PIGN: variants seen among roughly 807,000 people sequenced by gnomAD.
PIGN encodes GPI ethanolamine phosphate transferase 1.
Under a neutral mutation model 125.4 loss-of-function variants are expected in PIGN, and 117 were observed. The ratio of observed to expected loss-of-function variants is 0.93; its 90% confidence interval spans 0.80 to 1.09. The LOEUF is 1.09. PIGN is among the 50% of genes least tolerant of loss of function. PIGN has a pLI of 0.00. For missense variants in PIGN, 1,075 were observed against 1,094.9 expected (o/e 0.98, Z 0.26); for synonymous variants, 392 against 377.8 (o/e 1.04, Z -0.44).
chr18:62,097,012 A>G (rs1216811183), intron 22 of PIGN, among the ~76,000 whole-genome samples: 1 of 152,010 alleles, frequency 6.6e-6, no homozygotes, highest in African/African-American at 2.4e-5. Context: ...GTGTCTTTAT[A>G]GCAGCATGTT....
intron 30 of PIGN, among the ~76,000 whole-genome samples, chr18:62,066,079 A>G (rs2145563130): frequency 6.6e-6 from 1 of 152,326 alleles, no homozygotes; most frequent in Middle Eastern, 3.4e-3. Context: ...GCTTTCTTTA[A>G]CCATAGCTTT....
intron 30 of PIGN, chr18:62,059,034 A>T (rs2031936118): frequency 1.3e-5 from 2 of 151,984 alleles, no homozygotes; most frequent in Admixed American, 1.3e-4. Context: ...AAAAATAAAA[A>T]TTAAAATAAT....
At chr18:62,165,556 TTC>T (rs1271295308) in intron 1 of PIGN, among the ~76,000 whole-genome samples, 2 of 152,202 alleles carry the variant, frequency 1.3e-5, no homozygotes, top group Non-Finnish European at 2.9e-5. Context: ...ATTGAGCATT[TTC>T]TTTTTGATAC....
At chr18:62,030,258 G>C (rs1311647172) in intron 23 of PIGN, among the ~76,000 whole-genome samples, 1 of 152,224 alleles carries the variant, frequency 6.6e-6, no homozygotes, top group Non-Finnish European at 1.5e-5. Flanking sequence ...GAGGCCTGTG[G>C]TGGTATGTCT....
At chr18:62,100,272 T>C (rs1378931713) in intron 22 of PIGN, among the ~76,000 whole-genome samples, 1 of 152,124 alleles carries the variant, frequency 6.6e-6, no homozygotes, top group African/African-American at 2.4e-5. Flanking sequence ...TGAGATATCA[T>C]CTCACCCCAG....
intron 1 of PIGN, among the ~76,000 whole-genome samples, chr18:62,172,963 T>C (rs895091991): frequency 6.6e-6 from 1 of 152,154 alleles, no homozygotes; most frequent in African/African-American, 2.4e-5. Flanking sequence ...AATGACACCA[T>C]ACGAACACAA....
chr18:62,170,880 A>G (rs189841715), intron 1 of PIGN, among the ~76,000 whole-genome samples: 26 of 152,376 alleles, frequency 1.7e-4, no homozygotes, highest in Non-Finnish European at 2.6e-4. Context: ...TATTGCTGAT[A>G]TGAAGAAAAT....
chr18:62,177,791 G>T (rs2037578009), intron 1 of PIGN, among the ~76,000 whole-genome samples: 1 of 152,064 alleles, frequency 6.6e-6, no homozygotes, highest in Non-Finnish European at 1.5e-5. Context: ...TTATCTTACT[G>T]ATCAGCCAAT....
intron 23 of PIGN, among the ~76,000 whole-genome samples, chr18:62,021,889 G>A (rs2030058483): frequency 6.6e-6 from 1 of 152,208 alleles, no homozygotes; most frequent in Non-Finnish European, 1.5e-5. Flanking sequence ...TCTCTTCCAA[G>A]TTCATTTGAG....
At chr18:62,061,373 C>T (rs2032113600) in intron 30 of PIGN, among the ~76,000 whole-genome samples, 1 of 151,692 alleles carries the variant, frequency 6.6e-6, no homozygotes, top group African/African-American at 2.4e-5. Context: ...TCCCACTCCT[C>T]TCTCAAATTC....
intron 22 of PIGN, among the ~76,000 whole-genome samples, chr18:62,100,019 T>C (rs1023324623): frequency 6.6e-6 from 1 of 151,834 alleles, no homozygotes; most frequent in African/African-American, 2.4e-5. Context: ...ATCAACGGAG[T>C]GAAGAGACAA....
intron 29 of PIGN, among the ~76,000 whole-genome samples, chr18:62,073,135 T>C (rs1317514739): frequency 6.6e-6 from 1 of 151,424 alleles, no homozygotes; most frequent in Admixed American, 6.6e-5. Flanking sequence ...TCACAAGGCA[T>C]AGGCTGTAGT....
intron 24 of PIGN, among the ~76,000 whole-genome samples, chr18:62,089,981 G>A (rs2058366145): frequency 6.6e-6 from 1 of 152,088 alleles, no homozygotes; most frequent in South Asian, 2.1e-4. Context: ...CACAATCTAA[G>A]ATTTGGACTG....
intron 20 of PIGN, among the ~76,000 whole-genome samples, chr18:62,103,173 T>C (rs902575259): frequency 6.6e-6 from 1 of 152,148 alleles, no homozygotes; most frequent in African/African-American, 2.4e-5. Context: ...CTACCTTGCT[T>C]CTATAATTTA....
At chr18:62,161,524 G>A in intron 3 of PIGN, 139 bp from the exon 4 acceptor site, 5 of 519,602 alleles carry the variant, frequency 9.6e-6, no homozygotes, top group Non-Finnish European at 6.8e-6. Context: ...CATTTGTGGT[G>A]GTAACAATAA....
At chr18:62,141,748 G>C (rs2036143782) in intron 11 of PIGN, among the ~76,000 whole-genome samples, 1 of 152,180 alleles carries the variant, frequency 6.6e-6, no homozygotes, top group South Asian at 2.1e-4. Flanking sequence ...AACTCTTCAA[G>C]GATTCTTTGA....
chr18:62,087,053 G>T (rs982247148), intron 25 of PIGN, among the ~76,000 whole-genome samples: 3 of 152,126 alleles, frequency 2.0e-5, no homozygotes, highest in Non-Finnish European at 4.4e-5. Flanking sequence ...GGTCCTCGAG[G>T]TCACGAAAGG....
At chr18:62,109,998 A>C (rs757730445) in intron 16 of PIGN, 25 bp from the exon 17 acceptor site, 3 of 1,610,238 alleles carry the variant, frequency 1.9e-6, no homozygotes, top group Non-Finnish European at 2.5e-6. Flanking sequence ...AAAACATTGA[A>C]ACACTTCCAA....
At position 62,072,744 on chromosome 18, in the gene PIGN, G is replaced by C. The variant is rs1249386663; in HGVS notation, c.2620-19C>G. ...AAAAATGCTGTAAAAAAAAAAAAAG[G>C]CTTAATGAAAAACAAAGCTATTTAG... is the stretch of plus-strand genomic sequence containing the variant. On this transcript the variant is annotated intron_variant, in intron 29 of 30. Coordinates refer to ENST00000640252, the MANE Select transcript of PIGN (RefSeq NM_176787.5). 41 of 1,348,462 alleles carry C rather than the reference G, an allele frequency of 3.0e-5. No homozygotes were observed. Among genetic ancestry groups the C allele is most frequent in the Non-Finnish European group, 3.9e-5 (38 of 969,338 alleles). The allele number at this position is 1,348,462 out of a possible 1,614,324, so 83.5% of individuals were successfully genotyped here.
Sources: allele counts gnomAD v4.1 joint callset (sites outside exome capture counted in the v4.1 genomes callset), GRCh38; gene constraint gnomAD v4.1.1; transcripts MANE v1.5; gene names NCBI Gene and HGNC (gene_info 2026-07-23, HGNC 2026-07-21).